The following CHD9NB variants were observed in gnomAD, a reference collection of about 807,000 sequenced individuals.
CHD9NB encodes the protein CHD9 neighbor protein.
chr16:53,051,793 AT>A, the CHD9NB span, among the ~76,000 whole-genome samples: 4 of 139,226 alleles, frequency 2.9e-5, no homozygotes, highest in Non-Finnish European at 4.6e-5. Flanking sequence ...ATATATATAT[AT>A]ATATATATAT....
the CHD9NB span, among the ~76,000 whole-genome samples, chr16:53,038,120 C>T: frequency 6.6e-6 from 1 of 152,090 alleles, no homozygotes; most frequent in Non-Finnish European, 1.5e-5. Flanking sequence ...CGTCTGAGGA[C>T]AAGAGAAGAT....
the CHD9NB span, chr16:53,035,963 T>TAA: frequency 6.2e-5 from 8 of 128,048 alleles, no homozygotes; most frequent in Non-Finnish European, 1.0e-4. Context: ...AGACCCTTTC[T>TAA]AAAAAAAAAA....
At chr16:53,046,134 G>A in the CHD9NB span, among the ~76,000 whole-genome samples, 2 of 152,162 alleles carry the variant, frequency 1.3e-5, no homozygotes, top group East Asian at 3.9e-4. Context: ...GGAAGAGGGA[G>A]GTTTCATTTA....
At chr16:53,042,191 T>C in the CHD9NB span, among the ~76,000 whole-genome samples, 1 of 151,190 alleles carries the variant, frequency 6.6e-6, no homozygotes, top group African/African-American at 2.4e-5. Flanking sequence ...CCCTCATTCC[T>C]CCAACTTCCT....
chr16:53,050,569 TC>T, the CHD9NB span, among the ~76,000 whole-genome samples: 1 of 152,294 alleles, frequency 6.6e-6, no homozygotes, highest in African/African-American at 2.4e-5. Context: ...TGAGACAGAA[TC>T]AGTTCATCTG....
the CHD9NB span, chr16:53,044,397 C>T: frequency 2.6e-6 from 1 of 379,268 alleles, no homozygotes; most frequent in Non-Finnish European, 4.7e-6. Context: ...GGCACTGTGC[C>T]CCATTCATTC....
chr16:53,048,546 TTC>T, the CHD9NB span, among the ~76,000 whole-genome samples: 187 of 152,322 alleles, frequency 1.2e-3, no homozygotes, highest in Non-Finnish European at 2.0e-3. Context: ...TCATTTAAAA[TTC>T]TCTCTCTCCT....
chr16:53,051,934 G>A, the CHD9NB span, among the ~76,000 whole-genome samples: 4 of 151,286 alleles, frequency 2.6e-5, no homozygotes, highest in South Asian at 2.1e-4. Context: ...CCAGATTCAC[G>A]TTCTGGGTAC....
the CHD9NB span, among the ~76,000 whole-genome samples, chr16:53,036,630 A>G: frequency 6.6e-6 from 1 of 152,198 alleles, no homozygotes; most frequent in Admixed American, 6.5e-5. Context: ...CCTGCCTTGA[A>G]TCAAGTAACC....
the CHD9NB span, chr16:53,043,275 T>A: frequency 6.6e-6 from 1 of 152,176 alleles, no homozygotes; most frequent in Non-Finnish European, 1.5e-5. Flanking sequence ...AGACTTTGGC[T>A]AGGAAGAGAT....
chr16:53,051,768 A>ATAT, the CHD9NB span, among the ~76,000 whole-genome samples: 181 of 104,598 alleles, frequency 1.7e-3, 14 homozygotes, highest in African/African-American at 9.0e-3. Context: ...TAAAAGTATA[A>ATAT]ATATATATAT....
chr16:53,049,770 G>T, the CHD9NB span, among the ~76,000 whole-genome samples: 1 of 152,160 alleles, frequency 6.6e-6, no homozygotes, highest in Non-Finnish European at 1.5e-5. Context: ...GCAGGTAGTG[G>T]TCATGGTTAA....
the CHD9NB span, chr16:53,042,792 A>G: frequency 6.6e-6 from 1 of 152,386 alleles, no homozygotes; most frequent in East Asian, 1.9e-4. Flanking sequence ...CTCTGCTTTA[A>G]GAAGCACTCT....
chr16:53,044,219 C>T, the CHD9NB span: 1 of 398,496 alleles, frequency 2.5e-6, no homozygotes, highest in Non-Finnish European at 4.4e-6. Flanking sequence ...AGGTCTGTGC[C>T]TTCCTCCTTG....
chr16:53,039,740 CAAA>C, the CHD9NB span, among the ~76,000 whole-genome samples: 3 of 145,276 alleles, frequency 2.1e-5, no homozygotes, highest in Admixed American at 6.8e-5. Context: ...GATTCCATCT[CAAA>C]AAAAAAAAAA....
the CHD9NB span, among the ~76,000 whole-genome samples, chr16:53,037,314 C>T: frequency 3.3e-5 from 5 of 152,180 alleles, no homozygotes; most frequent in Admixed American, 2.6e-4. Flanking sequence ...GTTCTGATGA[C>T]TCTGTTGGGA....
At chr16:53,050,500 C>A in the CHD9NB span, among the ~76,000 whole-genome samples, 1 of 151,802 alleles carries the variant, frequency 6.6e-6, no homozygotes, top group African/African-American at 2.4e-5. Context: ...AGAATGAGAC[C>A]CCGTCTCAAA....
the CHD9NB span, among the ~76,000 whole-genome samples, chr16:53,047,679 T>G: frequency 6.6e-6 from 1 of 152,196 alleles, no homozygotes. Context: ...ATAGTCACAT[T>G]GGAGTTCAGG....
chr16:53,040,705 G>GGAAT, the CHD9NB span, among the ~76,000 whole-genome samples: 2 of 152,210 alleles, frequency 1.3e-5, no homozygotes, highest in African/African-American at 4.8e-5. Context: ...AATGAATACA[G>GGAAT]GAATGAATGA....
Sources: allele counts gnomAD v4.1 joint callset (sites outside exome capture counted in the v4.1 genomes callset), GRCh38; gene constraint gnomAD v4.1.1; transcripts MANE v1.5; gene names NCBI Gene and HGNC (gene_info 2026-07-23, HGNC 2026-07-21).